ANKRD6: variants seen among roughly 807,000 people sequenced by gnomAD.
The protein encoded by ANKRD6 is ankyrin repeat domain 6.
In ANKRD6, 56 loss-of-function variants were observed where a neutral mutation model predicts 82.3. That is an observed-to-expected ratio of 0.68 (90% CI 0.55 to 0.85). The LOEUF (loss-of-function observed/expected upper bound fraction) is 0.85, where lower values mean the gene tolerates loss of function less well. ANKRD6 is among the 40% of genes least tolerant of loss of function. The pLI, the probability that ANKRD6 is intolerant of heterozygous loss-of-function variation, is 0.00. For synonymous variants in ANKRD6, 347 were observed against 352.1 expected (o/e 0.99, Z 0.16); for missense variants, 852 against 907.6 (o/e 0.94, Z 0.79).
chr6:89,458,261 C>T (rs1326041045), intron 1 of ANKRD6, among the ~76,000 whole-genome samples: 1 of 152,162 alleles, frequency 6.6e-6, no homozygotes, highest in African/African-American at 2.4e-5. Context: ...TGATTTTGGG[C>T]TATAACTGTG....
At chr6:89,629,942 C>T (rs1387225208) in intron 15 of ANKRD6, among the ~76,000 whole-genome samples, 1 of 152,172 alleles carries the variant, frequency 6.6e-6, no homozygotes, top group Non-Finnish European at 1.5e-5. Context: ...TCGTGGAGCT[C>T]TGGGTGTGGA....
intron 1 of ANKRD6, among the ~76,000 whole-genome samples, chr6:89,458,751 T>A (rs547054841): frequency 6.6e-6 from 1 of 152,168 alleles, no homozygotes; most frequent in African/African-American, 2.4e-5. Flanking sequence ...GTTAATCTCC[T>A]CTGGCAACAC....
intron 1 of ANKRD6, among the ~76,000 whole-genome samples, chr6:89,435,051 A>T (rs1252389324): frequency 6.6e-6 from 1 of 152,036 alleles, no homozygotes; most frequent in Non-Finnish European, 1.5e-5. Context: ...TCCCACTTAA[A>T]CTCATCAGCC....
chr6:89,465,697 CA>C (rs1418858994), intron 1 of ANKRD6, among the ~76,000 whole-genome samples: 4 of 151,820 alleles, frequency 2.6e-5, no homozygotes, highest in African/African-American at 9.7e-5. Context: ...CCCATCTCTA[CA>C]AAAAATTTTT....
intron 2 of ANKRD6, among the ~76,000 whole-genome samples, chr6:89,588,736 T>G (rs1416837328): frequency 1.3e-5 from 2 of 152,178 alleles, no homozygotes; most frequent in African/African-American, 4.8e-5. Context: ...CCAGGCACGG[T>G]GGCTCACGCC....
chr6:89,569,454 A>C (rs1241329467), intron 2 of ANKRD6, among the ~76,000 whole-genome samples: 1 of 152,194 alleles, frequency 6.6e-6, no homozygotes, highest in Non-Finnish European at 1.5e-5. Context: ...CTGAGTAATA[A>C]TCCATTGTAT....
At chr6:89,629,353 A>G (rs1055168850) in intron 15 of ANKRD6, 115 bp downstream of exon 15, 1 of 1,449,942 alleles carries the variant, frequency 6.9e-7, no homozygotes, top group South Asian at 1.2e-5. Flanking sequence ...ACTGGATGGT[A>G]AAGTGCACTC....
chr6:89,504,937 C>T (rs1224006072), intron 1 of ANKRD6: 3 of 152,242 alleles, frequency 2.0e-5, no homozygotes, highest in African/African-American at 7.2e-5. Flanking sequence ...TTTGGCCCCA[C>T]CTTATACCGT....
chr6:89,533,727 AGTGTGTGTGTGTGTGTGTGT>A (rs59064465), intron 1 of ANKRD6, among the ~76,000 whole-genome samples: 1 of 142,038 alleles, frequency 7.0e-6, no homozygotes, highest in Non-Finnish European at 1.5e-5. Flanking sequence ...AGAGAAAATG[AGTGTGTGTGTGTGTGTGTGT>A]GTGTGTGTGT....
At chr6:89,544,489 C>T (rs1259995216) in intron 1 of ANKRD6, among the ~76,000 whole-genome samples, 1 of 152,122 alleles carries the variant, frequency 6.6e-6, no homozygotes, top group Non-Finnish European at 1.5e-5. Context: ...CCAAGGCGGG[C>T]AGATCACAAG....
chr6:89,443,311 T>C (rs1319268102), intron 1 of ANKRD6, among the ~76,000 whole-genome samples: 2 of 152,132 alleles, frequency 1.3e-5, no homozygotes, highest in African/African-American at 2.4e-5. Context: ...TGGGGGAGCT[T>C]AGAATTTTAT....
At chr6:89,489,928 T>A (rs1479155259) in intron 1 of ANKRD6, among the ~76,000 whole-genome samples, 4 of 152,274 alleles carry the variant, frequency 2.6e-5, no homozygotes, top group Non-Finnish European at 5.9e-5. Flanking sequence ...TCAACAAGAG[T>A]GACCAGAACT....
intron 1 of ANKRD6, among the ~76,000 whole-genome samples, chr6:89,522,587 G>A (rs545369012): frequency 6.6e-5 from 10 of 152,256 alleles, no homozygotes; most frequent in African/African-American, 2.2e-4. Context: ...GCCCTGTTTC[G>A]TTTGTCTAGT....
At chr6:89,437,973 T>G (rs1582574848) in intron 1 of ANKRD6, among the ~76,000 whole-genome samples, 1 of 152,172 alleles carries the variant, frequency 6.6e-6, no homozygotes, top group South Asian at 2.1e-4. Context: ...TTTGTATTTT[T>G]GGTAGAGACA....
intron 1 of ANKRD6, among the ~76,000 whole-genome samples, chr6:89,448,292 G>A (rs999607379): frequency 1.3e-5 from 2 of 152,040 alleles, no homozygotes; most frequent in Non-Finnish European, 2.9e-5. Flanking sequence ...AAATTAGCCA[G>A]GTGTTGTGGC....
rs773995695 is a variant in ANKRD6 at position 89,623,499 on chromosome 6, A to C, written c.987A>C (p.Pro329=). The part of the protein sequence containing the change: ...EAREEFLSAS[P]EPRAKDDRRR... ...GAGAAGAGTTCCTGTCAGCCTCCCC[A>C]GAACCCAGAGCAAAGGATGACAGGA... Residue 329 remains proline (P), a synonymous_variant, in exon 11 of 16, where the codon CCA becomes CCC. Coordinates refer to ENST00000339746, the MANE Select transcript of ANKRD6 (RefSeq NM_001242809.2). The C allele has an allele frequency of 6.9e-6, 11 of 1,595,676 alleles. No homozygotes were observed. The highest frequency in any genetic ancestry group is 2.7e-5 in the African/African-American group (2 of 74,512).
At chr6:89,624,757 C>A (rs934094473) in intron 13 of ANKRD6, 66 bp downstream of exon 13, 25 of 1,533,220 alleles carry the variant, frequency 1.6e-5, no homozygotes, top group Admixed American at 5.9e-5. Context: ...CAGGAACCAA[C>A]TTCGACTTTA....
At chr6:89,595,815 A>C (rs759565795) in intron 2 of ANKRD6, 101 bp from the exon 3 acceptor site, 3 of 858,758 alleles carry the variant, frequency 3.5e-6, no homozygotes, top group Non-Finnish European at 5.6e-6. Flanking sequence ...GGGAGTGATC[A>C]TCCGAAAGCC....
Position 89,633,421 on chromosome 6 carries a change from G to A in ANKRD6, c.*2417G>A, listed in dbSNP as rs1441635320. The A allele has an allele frequency of 6.6e-6, 1 of 152,190 alleles. No homozygotes were observed. Among genetic ancestry groups the A allele is most frequent in the Admixed American group, 6.5e-5 (1 of 15,272 alleles). The allele number at this position is 152,190 out of a possible 1,614,324, so 9.4% of individuals were successfully genotyped here. Reference sequence around the variant, plus strand: ...CCCTTTTAGCTATCTGCTAAAGTGAGTAAATGCCACAACTGTACTTTTCCA... The same window carrying A: ...CCCTTTTAGCTATCTGCTAAAGTGAATAAATGCCACAACTGTACTTTTCCA... On this transcript the variant is annotated 3_prime_UTR_variant, in exon 16 of 16. Transcript: ENST00000339746.
Sources: gnomAD v4.1 joint callset for allele counts (sites outside exome capture counted in the v4.1 genomes callset) on GRCh38, gnomAD v4.1.1 for gene constraint, MANE v1.5 for transcripts, NCBI Gene and HGNC (gene_info 2026-07-23, HGNC 2026-07-21) for gene names.